The following USPL1 variants were observed in gnomAD, a reference collection of about 807,000 sequenced individuals.
USPL1 encodes the protein SUMO-specific isopeptidase USPL1.
In USPL1, 27 loss-of-function variants were observed where a neutral mutation model predicts 51.5. The observed-to-expected ratio is 0.52, with a 90% CI of 0.39 to 0.72. The LOEUF is 0.72. USPL1 is among the 30% of genes least tolerant of loss of function. The pLI is 0.00. For missense variants in USPL1, 1,226 were observed against 1,268.0 expected (o/e 0.97, Z 0.50); for synonymous variants, 451 against 459.6 (o/e 0.98, Z 0.24).
At chr13:30,629,758 T>C (rs1400465352) in intron 3 of USPL1, among the ~76,000 whole-genome samples, 2 of 152,154 alleles carry the variant, frequency 1.3e-5, no homozygotes, top group Non-Finnish European at 2.9e-5. Context: ...GCTTGTCCTC[T>C]TGAGCCAGTG....
chr13:30,653,179 G>A lies in USPL1; in HGVS notation c.1270G>A (p.Glu424Lys). The change falls in exon 8 of 9, where the codon GAA (glutamate) becomes AAA (lysine). Residue 424 changes from glutamate to lysine, a missense_variant. Transcript: ENST00000255304. Reference protein sequence around the residue: ...VSPIFMLHFVEGLPQNDLQHY... With the variant: ...VSPIFMLHFVKGLPQNDLQHY... Reference sequence around the variant, plus strand: ...TCCCATATTCATGTTGCACTTTGTAGAAGGCTTACCACAGAATGACTTGCA... The same window carrying A: ...TCCCATATTCATGTTGCACTTTGTAAAAGGCTTACCACAGAATGACTTGCA... 2 of 1,608,998 alleles carry A rather than the reference G, an allele frequency of 1.2e-6. No individual in the cohort carries two copies. The highest frequency in any genetic ancestry group is 8.5e-7 in the Non-Finnish European group (1 of 1,177,030).
chr13:30,659,107 A>T lies in USPL1; in HGVS notation c.3030A>T (p.Glu1010Asp). 1 of 1,614,222 alleles carries T rather than the reference A, an allele frequency of 6.2e-7. No individual in the cohort carries two copies. Among genetic ancestry groups the T allele is most frequent in the Non-Finnish European group, 8.5e-7 (1 of 1,180,032 alleles). The change falls in exon 9 of 9, where the codon GAA becomes GAT. Residue 1010 changes from glutamate to aspartate, a missense_variant. By Grantham distance (45) the Glu-to-Asp change is conservative (BLOSUM62 2). Transcript: ENST00000255304. ...DSHIPPPVPS[E>D]FNDVSQNTHL... ...ATATCCCACCACCAGTACCAAGTGA[A>T]TTCAATGATGTTTCCCAGAACACAC...
intron 3 of USPL1, among the ~76,000 whole-genome samples, chr13:30,624,623 A>C (rs1950687825): frequency 6.6e-6 from 1 of 152,114 alleles, no homozygotes; most frequent in African/African-American, 2.4e-5. Context: ...CCCTGTCTCT[A>C]TTAAAAGAAA....
At chr13:30,642,510 A>G in intron 5 of USPL1, 118 bp from the exon 6 acceptor site, 1 of 1,207,140 alleles carries the variant, frequency 8.3e-7, no homozygotes, top group Non-Finnish European at 1.1e-6. Context: ...ATTGTGTCAT[A>G]CTGTATTAAC....
chr13:30,646,705 C>CT (rs1388854586), intron 6 of USPL1, among the ~76,000 whole-genome samples: 1 of 152,102 alleles, frequency 6.6e-6, no homozygotes, highest in Non-Finnish European at 1.5e-5. Context: ...GGAACCCTGT[C>CT]TTTTTTTCTT....
At chr13:30,640,548 G>A (rs560126911) in intron 5 of USPL1, among the ~76,000 whole-genome samples, 2 of 152,180 alleles carry the variant, frequency 1.3e-5, no homozygotes, top group South Asian at 4.1e-4. Context: ...AAAATTAGCC[G>A]GACGTGGTGT....
Position 30,646,927 on chromosome 13 carries a change from TA to T in USPL1, c.1113-4del, listed in dbSNP as rs1217077998. ...TAATGAATTTGTTATGTCATTTTTT[TA>T]TAGGCATATGAAGAGTCTGGTCACC... On this transcript the variant is annotated splice_region_variant and splice_polypyrimidine_tract_variant and intron_variant, in intron 6 of 8. Coordinates refer to ENST00000255304, the MANE Select transcript of USPL1 (RefSeq NM_005800.5). 6.3e-7 allele frequency: 1 copy of T among 1,599,004 alleles called. No homozygotes were observed. Among genetic ancestry groups the T allele is most frequent in the Non-Finnish European group, 8.5e-7 (1 of 1,173,846 alleles).
chr13:30,638,516 C>T (rs59435742), intron 5 of USPL1, among the ~76,000 whole-genome samples: 2,872 of 152,154 alleles, frequency 0.019, 94 homozygotes, highest in African/African-American at 0.066. Context: ...GTGGGAGTGG[C>T]GTGCAGCAAG....
In USPL1 at chr13:30,658,290, C is replaced by T. The variant is rs971343426; in HGVS notation, c.2213C>T (p.Thr738Ile). ...KETTADSQTT[T>I]SKSLQNQSLK... ...ACTACAGCAGATTCTCAAACCACAA[C>T]ATCTAAGTCATTACAGAATCAGTCT... The change falls in exon 9 of 9, where the codon ACA becomes ATA. Residue 738 changes from threonine to isoleucine, a missense_variant. Thr to Ile is a moderately conservative substitution (Grantham distance 89). Coordinates refer to ENST00000255304, the MANE Select transcript of USPL1 (RefSeq NM_005800.5). 1.9e-6 allele frequency: 3 copies of T among 1,613,788 alleles called. No homozygotes were observed. Among genetic ancestry groups the T allele is most frequent in the East Asian group, 2.2e-5 (1 of 44,888 alleles).
intron 7 of USPL1, among the ~76,000 whole-genome samples, chr13:30,650,574 CA>C (rs34074092): frequency 0.54 from 66,035 of 123,008 alleles, 15,353 homozygotes; most frequent in Admixed American, 0.63. Flanking sequence ...GAGACTGTCT[CA>C]AAAAAAAAAA....
At chr13:30,633,188 G>GAGAC (rs762852814) in intron 4 of USPL1, among the ~76,000 whole-genome samples, 7 of 152,276 alleles carry the variant, frequency 4.6e-5, no homozygotes, top group African/African-American at 1.7e-4. Flanking sequence ...TTTTGAGAGA[G>GAGAC]AGGGAGACCA....
rs549531318 is a variant in USPL1 at position 30,627,002 on chromosome 13, T to C, written c.229-3833T>C. Reference sequence around the variant, plus strand: ...GCCATACCTTGTTGATAATTACTTATACAAGTATAAGAAGACATGGTATGT... The same window carrying C: ...GCCATACCTTGTTGATAATTACTTACACAAGTATAAGAAGACATGGTATGT... On this transcript the variant is annotated intron_variant, in intron 3 of 8. Coordinates refer to ENST00000255304, the MANE Select transcript of USPL1 (RefSeq NM_005800.5). Among the ~76,000 whole-genome samples, 10 of 152,244 alleles carry C rather than the reference T, an allele frequency of 6.6e-5. No homozygotes were observed. The East Asian group carries it at 1.9e-3, about 29-fold the overall frequency.
Position 30,658,415 on chromosome 13 carries a change from A to G in USPL1, c.2338A>G (p.Arg780Gly), listed in dbSNP as rs756028824. ...GCCACTCTGTGTTTCAGCTCATAAT[A>G]GAAACACTATAACTGATTTACAACC... Reference protein sequence around the residue: ...FMPLCVSAHNRNTITDLQPSV... With the variant: ...FMPLCVSAHNGNTITDLQPSV... Residue 780 changes from arginine to glycine, a missense_variant, in exon 9 of 9, where the codon AGA becomes GGA. Physicochemically the swap from Arg to Gly is moderately radical, Grantham distance 125. Transcript: ENST00000255304. The G allele has an allele frequency of 1.2e-6, 2 of 1,613,626 alleles. No homozygotes were observed. The highest frequency in any genetic ancestry group is 1.1e-5 in the South Asian group (1 of 91,082).
At position 30,658,920 on chromosome 13, in the gene USPL1, T is replaced by C. The variant is rs760166616; in HGVS notation, c.2843T>C (p.Ile948Thr). 5.6e-6 allele frequency: 9 copies of C among 1,614,214 alleles called. No individual in the cohort carries two copies. The highest frequency in any genetic ancestry group is 4.5e-5 in the East Asian group (2 of 44,892). Residue 948 changes from isoleucine to threonine, a missense_variant, in exon 9 of 9, where the codon ATT becomes ACT. Ile to Thr is a moderately conservative substitution (Grantham distance 89, BLOSUM62 -1). Transcript: ENST00000255304. ...AATGAGCTACCATATCCAATTGATA[T>C]TGCCAGTGAGTCTGCATGCACCACT... ...LLNELPYPID[I>T]ASESACTTVP...
chr13:30,621,286 TCTA>T, intron 2 of USPL1, 47 bp downstream of exon 2: 1 of 1,319,008 alleles, frequency 7.6e-7, no homozygotes, highest in Non-Finnish European at 1.1e-6. Flanking sequence ...TTTTTTTTTC[TCTA>T]TTTTTGAGAC....
At chr13:30,637,657 T>C in intron 4 of USPL1, 87 bp from the exon 5 acceptor site, 1 of 1,106,668 alleles carries the variant, frequency 9.0e-7, no homozygotes, top group African/African-American at 1.6e-5. Flanking sequence ...ACTTACTGAC[T>C]CAGCTTTCAT....
chr13:30,650,192 T>C lies in USPL1; in HGVS notation c.1239-2956T>C, dbSNP rs188552541. 2.6e-5 allele frequency among the ~76,000 whole-genome samples: 4 copies of C among 151,972 alleles called. No homozygotes were observed. The East Asian group carries it at 7.7e-4, about 29-fold the overall frequency. On this transcript the variant is annotated intron_variant, in intron 7 of 8. Coordinates refer to ENST00000255304, the MANE Select transcript of USPL1 (RefSeq NM_005800.5). ...AGTCTAGGGGAATCAAAGAGGAAAA[T>C]GAACAGAAAAGGGAAGGGGAAGGAT...
chr13:30,618,615 C>G (rs1447997201), intron 1 of USPL1, among the ~76,000 whole-genome samples: 1 of 152,062 alleles, frequency 6.6e-6, no homozygotes, highest in Admixed American at 6.5e-5. Flanking sequence ...ATACTTTTTG[C>G]GATTCCCAGG....
At chr13:30,643,355 G>A (rs1164785019) in intron 6 of USPL1, among the ~76,000 whole-genome samples, 1 of 152,110 alleles carries the variant, frequency 6.6e-6, no homozygotes, top group Non-Finnish European at 1.5e-5. Context: ...CCATCCCCAG[G>A]TTACCTCTTT....
Sources: allele counts gnomAD v4.1 joint callset (sites outside exome capture counted in the v4.1 genomes callset), GRCh38; gene constraint gnomAD v4.1.1; transcripts MANE v1.5; gene names NCBI Gene and HGNC (gene_info 2026-07-23, HGNC 2026-07-21).